Variants in IL31RA observed in about 807,000 individuals in gnomAD.
The protein encoded by IL31RA is interleukin-31 receptor subunit alpha.
Under a neutral mutation model 83.7 loss-of-function variants are expected in IL31RA, and 66 were observed. The ratio of observed to expected loss-of-function variants is 0.79; its 90% CI spans 0.65 to 0.97. The LOEUF (loss-of-function observed/expected upper bound fraction) is 0.97, where lower values mean the gene tolerates loss of function less well. Ranked by LOEUF, IL31RA falls within the 50% of genes least tolerant of loss-of-function variation. The pLI is 0.00. For synonymous variants in IL31RA, 325 were observed against 329.0 expected (o/e 0.99, Z 0.13); for missense variants, 798 against 919.4 (o/e 0.87, Z 1.71).
upstream of IL31RA, among the ~76,000 whole-genome samples, chr5:55,851,226 G>A (rs1745049650): frequency 6.6e-6 from 1 of 152,142 alleles, no homozygotes; most frequent in Non-Finnish European, 1.5e-5. Context: ...TGTTTTGTGT[G>A]TGTTTCTGTT....
intron 8 of IL31RA, among the ~76,000 whole-genome samples, chr5:55,905,019 G>A (rs1749057381): frequency 6.6e-6 from 1 of 151,478 alleles, no homozygotes; most frequent in Non-Finnish European, 1.5e-5. Context: ...GGCCAACATG[G>A]TGAAACCCCA....
chr5:55,913,737 C>T (rs930421489), intron 13 of IL31RA, among the ~76,000 whole-genome samples, 167 bp downstream of exon 13: 1 of 152,222 alleles, frequency 6.6e-6, no homozygotes, highest in Non-Finnish European at 1.5e-5. Context: ...CTCAGTGGCT[C>T]ACCGGAATTC....
At chr5:55,853,407 G>A (rs10940486) in intron 1 of IL31RA, 45 of 1,408,382 alleles carry the variant, frequency 3.2e-5, no homozygotes, top group Middle Eastern at 1.8e-4. Flanking sequence ...AGAAAAGCTC[G>A]CAGACAATCA....
At chr5:55,905,810 C>T (rs1246936597) in intron 8 of IL31RA, among the ~76,000 whole-genome samples, 1 of 152,218 alleles carries the variant, frequency 6.6e-6, no homozygotes, top group Non-Finnish European at 1.5e-5. Flanking sequence ...CTTGCAGAGA[C>T]ACCTGTGGAA....
At chr5:55,912,259 A>G (rs890623463) in intron 12 of IL31RA, among the ~76,000 whole-genome samples, 2 of 152,212 alleles carry the variant, frequency 1.3e-5, no homozygotes, top group African/African-American at 4.8e-5. Flanking sequence ...GACTTTTATT[A>G]TATTTTAAAG....
At position 55,918,334 on chromosome 5, in the gene IL31RA, GTA is replaced by G. The variant is rs938140325; in HGVS notation, c.*1215_*1216del. Among the ~76,000 whole-genome samples, 53 of 152,326 alleles carry G rather than the reference GTA, an allele frequency of 3.5e-4. No individual in the cohort carries two copies. Among genetic ancestry groups the G allele is most frequent in the African/African-American group, 1.3e-3 (53 of 41,576 alleles). ...TTTTCTAGGAGAGTTTGAGGAATCA[GTA>G]CTAGGATTGCAGGCATGAACTTCGC... On this transcript the variant is annotated 3_prime_UTR_variant, in exon 15 of 15. Transcript: ENST00000652347.
At chr5:55,855,820 A>T (rs1447400569) in intron 1 of IL31RA, among the ~76,000 whole-genome samples, 1 of 152,142 alleles carries the variant, frequency 6.6e-6, no homozygotes, top group Non-Finnish European at 1.5e-5. Context: ...ATAAGTGCTT[A>T]GATTTGTTTG....
At chr5:55,844,738 C>T in the IL31RA span, among the ~76,000 whole-genome samples, 1 of 89,620 alleles carries the variant, frequency 1.1e-5, no homozygotes, top group South Asian at 4.8e-4. Flanking sequence ...CTGGTATTCC[C>T]ATTATGAGTA....
intron 5 of IL31RA, among the ~76,000 whole-genome samples, chr5:55,886,633 C>T (rs568602025): frequency 6.6e-6 from 1 of 152,300 alleles, no homozygotes; most frequent in South Asian, 2.1e-4. Flanking sequence ...CTAAACCCAA[C>T]TCTGCTCTTC....
At chr5:55,853,307 T>A in intron 1 of IL31RA, 2 of 1,230,212 alleles carry the variant, frequency 1.6e-6, no homozygotes, top group Non-Finnish European at 2.0e-6. Context: ...TTTTTGTTTT[T>A]GCTTTTGTTT....
In IL31RA at chr5:55,907,478, C is replaced by A. The variant is rs769331586; in HGVS notation, c.1354+18C>A. 2 of 1,526,294 alleles carry A rather than the reference C, an allele frequency of 1.3e-6. No individual in the cohort carries two copies. The highest frequency in any genetic ancestry group is 1.8e-6 in the Non-Finnish European group (2 of 1,099,832). 94.5% of individuals were successfully genotyped at this position (1,526,294 alleles called of 1,614,324 possible). A position where few individuals can be genotyped will look rare whatever the true frequency, so the allele number is the denominator to read the frequency against. On this transcript the variant is annotated intron_variant, in intron 10 of 14. Coordinates refer to ENST00000652347, the MANE Select transcript of IL31RA (RefSeq NM_139017.7). ...AGAAGGCGGTATGAATGGACAAGAC[C>A]CTGTGGGGAAAAGGAAACAGTGTGA...
intron 12 of IL31RA, among the ~76,000 whole-genome samples, chr5:55,912,789 C>T (rs1354387410): frequency 1.3e-5 from 2 of 151,468 alleles, no homozygotes; most frequent in African/African-American, 4.9e-5. Context: ...GAGCGAGACT[C>T]CATCTCAAAA....
intron 11 of IL31RA, chr5:55,908,723 G>T (rs949439561): frequency 1.4e-6 from 2 of 1,453,158 alleles, no homozygotes; most frequent in African/African-American, 2.9e-5. Flanking sequence ...CCCAGGAATG[G>T]CGTGCCTGGC....
chr5:55,873,413 T>C (rs1188268822), intron 4 of IL31RA, among the ~76,000 whole-genome samples: 1 of 152,148 alleles, frequency 6.6e-6, no homozygotes, highest in African/African-American at 2.4e-5. Context: ...TTCTCTTAGA[T>C]ATATACCTAG....
chr5:55,913,776 A>G (rs1207829039), intron 13 of IL31RA, among the ~76,000 whole-genome samples: 2 of 152,246 alleles, frequency 1.3e-5, no homozygotes, highest in Admixed American at 1.3e-4. Flanking sequence ...TTCGTTTCCC[A>G]GAGCTCCATG....
rs1423922190 is a variant in IL31RA, at chr5:55,919,399, A to G, written c.*2279A>G. On this transcript the variant is annotated 3_prime_UTR_variant, in exon 15 of 15. Coordinates refer to ENST00000652347, the MANE Select transcript of IL31RA (RefSeq NM_139017.7). Reference sequence around the variant, plus strand: ...TGGCTCCTGTGAGTGGATTCCAGAGATAAGGATGTTGCCCTCTGGCCCCTG... The same window carrying G: ...TGGCTCCTGTGAGTGGATTCCAGAGGTAAGGATGTTGCCCTCTGGCCCCTG... Among the ~76,000 whole-genome samples, 1 of 152,194 alleles carries G rather than the reference A, an allele frequency of 6.6e-6. No individual in the cohort carries two copies. The highest frequency in any genetic ancestry group is 1.5e-5 in the Non-Finnish European group (1 of 68,032).
intron 3 of IL31RA, among the ~76,000 whole-genome samples, chr5:55,870,213 G>A (rs1480261809): frequency 1.3e-5 from 2 of 152,158 alleles, no homozygotes; most frequent in Non-Finnish European, 2.9e-5. Context: ...CTTTATCCAT[G>A]GACACTGAAA....
intron 6 of IL31RA, among the ~76,000 whole-genome samples, chr5:55,890,685 G>A (rs1747929613): frequency 6.6e-6 from 1 of 152,186 alleles, no homozygotes; most frequent in South Asian, 2.1e-4. Flanking sequence ...CATATCATCT[G>A]AAGGTATCCT....
At chr5:55,890,197 C>T (rs1158725131) in intron 6 of IL31RA, 62 bp downstream of exon 6, 3 of 1,556,160 alleles carry the variant, frequency 1.9e-6, no homozygotes, top group Non-Finnish European at 2.7e-6. Flanking sequence ...TTGGGCTAGA[C>T]TTGGTGGGGT....
Sources: gnomAD v4.1 joint callset for allele counts (sites outside exome capture counted in the v4.1 genomes callset) on GRCh38, gnomAD v4.1.1 for gene constraint, MANE v1.5 for transcripts, NCBI Gene and HGNC (gene_info 2026-07-23, HGNC 2026-07-21) for gene names.